MSH3: variants seen among roughly 807,000 people sequenced by gnomAD.
MSH3 encodes mutS homolog 3.
A neutral mutation model predicts 123.3 loss-of-function variants in MSH3; 106 were observed. The observed-to-expected ratio is 0.86, with a 90% CI of 0.73 to 1.01. MSH3 has a LOEUF of 1.01. MSH3 is among the 50% of genes least tolerant of loss of function. The probability of loss-of-function intolerance (pLI) is 0.00; values close to 1 mark genes in which losing one functional copy is unlikely to be tolerated. For missense variants in MSH3, 1,459 were observed against 1,347.6 expected (o/e 1.08, Z -1.29); for synonymous variants, 515 against 481.4 (o/e 1.07, Z -0.91).
At chr5:80,823,521 T>A (rs909241643) in intron 20 of MSH3, among the ~76,000 whole-genome samples, 1 of 152,202 alleles carries the variant, frequency 6.6e-6, no homozygotes, top group Admixed American at 6.5e-5. Flanking sequence ...CTTTAGGAGT[T>A]GATGGCATTC....
At chr5:80,712,714 TA>T (rs1750883121) in intron 8 of MSH3, among the ~76,000 whole-genome samples, 1 of 152,200 alleles carries the variant, frequency 6.6e-6, no homozygotes, top group Non-Finnish European at 1.5e-5. Context: ...TTATATTTTC[TA>T]TTTTTATATC....
In MSH3 at chr5:80,729,458, G is replaced by GTATA. The variant is rs1250723529; in HGVS notation, c.1568+494_1568+495insATAT. 7.0e-4 allele frequency among the ~76,000 whole-genome samples: 57 copies of GTATA among 81,606 alleles called. No individual in the cohort carries two copies. The South Asian group carries it at 0.013, about 19-fold the overall frequency. The allele number at this position is 81,606 out of a possible 152,430, so 53.5% of individuals were successfully genotyped here. A position where few individuals can be genotyped will look rare whatever the true frequency, so the allele number is the denominator to read the frequency against. ...TGTGTGTGTGTGTGTGTGTGTGTGT[G>GTATA]TGTATATATATATATATATATAAAG... On this transcript the variant is annotated intron_variant, in intron 10 of 23. Transcript: ENST00000265081.
chr5:80,867,385 A>G (rs1272092481), intron 22 of MSH3, among the ~76,000 whole-genome samples: 1 of 152,208 alleles, frequency 6.6e-6, no homozygotes, highest in Admixed American at 6.5e-5. Flanking sequence ...TCTTAGAACA[A>G]GGGAACTTTT....
At chr5:80,840,533 C>T (rs1745602550) in intron 20 of MSH3, among the ~76,000 whole-genome samples, 1 of 152,190 alleles carries the variant, frequency 6.6e-6, no homozygotes, top group African/African-American at 2.4e-5. Flanking sequence ...CGTGCCTCAA[C>T]CTCCCGAGTA....
chr5:80,753,990 T>C (rs1351919270), intron 12 of MSH3, among the ~76,000 whole-genome samples: 2 of 152,214 alleles, frequency 1.3e-5, no homozygotes, highest in East Asian at 3.8e-4. Context: ...CTGCTTGTTT[T>C]TCAAGGAATA....
intron 20 of MSH3, among the ~76,000 whole-genome samples, chr5:80,848,285 C>T (rs1745760797): frequency 1.3e-5 from 2 of 152,148 alleles, no homozygotes; most frequent in African/African-American, 4.8e-5. Context: ...ATTTTAATTT[C>T]ACCCATACAG....
chr5:80,689,346 G>C (rs1158577238), intron 8 of MSH3, among the ~76,000 whole-genome samples: 1 of 152,000 alleles, frequency 6.6e-6, no homozygotes, highest in East Asian at 1.9e-4. Flanking sequence ...CTTTGTGTTA[G>C]AATTTTCTTA....
intron 8 of MSH3, among the ~76,000 whole-genome samples, chr5:80,684,206 C>G (rs1221362358): frequency 6.6e-6 from 1 of 152,100 alleles, no homozygotes; most frequent in Admixed American, 6.6e-5. Flanking sequence ...CTAATTTTTT[C>G]CATTTCTGTG....
At chr5:80,806,986 T>G (rs1209355035) in intron 19 of MSH3, among the ~76,000 whole-genome samples, 1 of 151,978 alleles carries the variant, frequency 6.6e-6, no homozygotes, top group Admixed American at 6.6e-5. Flanking sequence ...GAGGATCACT[T>G]GAGCCCAGGA....
At chr5:80,657,576 A>C (rs1749320799) in intron 2 of MSH3, among the ~76,000 whole-genome samples, 1 of 152,196 alleles carries the variant, frequency 6.6e-6, no homozygotes, top group Non-Finnish European at 1.5e-5. Flanking sequence ...TTATGGTACC[A>C]GAGAATTTGT....
chr5:80,656,335 G>A lies in MSH3; in HGVS notation c.238-76G>A, dbSNP rs1382539. 414,337 of 1,583,474 alleles carry A rather than the reference G, an allele frequency of 0.26. 56,923 individuals carry two copies. The highest frequency in any genetic ancestry group is 0.42 in the Middle Eastern group (2,460 of 5,850). On this transcript the variant is annotated intron_variant, in intron 1 of 23. Transcript: ENST00000265081. ...AAGGAACCTTGTCATTCAGTTGTAAGGTTTAAATTGCTTCACATACGTCAG... is the reference window on the plus strand; with the variant it reads ...AAGGAACCTTGTCATTCAGTTGTAAAGTTTAAATTGCTTCACATACGTCAG...
Position 80,702,713 on chromosome 5 carries a change from TA to T in MSH3, c.1341-22729del, listed in dbSNP as rs34322595. Among the ~76,000 whole-genome samples the T allele has an allele frequency of 3.7e-3, 547 of 149,790 alleles. 2 individuals are homozygous for T. The highest frequency in any genetic ancestry group is 0.024 in the Middle Eastern group (7 of 286). On this transcript the variant is annotated intron_variant, in intron 8 of 23. Coordinates refer to ENST00000265081, the MANE Select transcript of MSH3 (RefSeq NM_002439.5). ...TTAAACAAGGTTGAAATAATTTATTTAAAAAAAAAAATAGCTGGCTGGGTGC... is the reference window on the plus strand; with the variant it reads ...TTAAACAAGGTTGAAATAATTTATTTAAAAAAAAAATAGCTGGCTGGGTGC...
intron 20 of MSH3, among the ~76,000 whole-genome samples, chr5:80,817,171 A>C (rs1745119219): frequency 6.6e-6 from 1 of 152,214 alleles, no homozygotes; most frequent in South Asian, 2.1e-4. Context: ...CCAGAGAGGC[A>C]GGAGAGAAAA....
intron 19 of MSH3, among the ~76,000 whole-genome samples, chr5:80,811,450 A>T (rs1580064771): frequency 6.6e-6 from 1 of 152,192 alleles, no homozygotes; most frequent in African/African-American, 2.4e-5. Flanking sequence ...ATAACCTTGG[A>T]TTGACTTATT....
At chr5:80,746,701 C>A (rs1194326098) in intron 12 of MSH3, 2 of 355,460 alleles carry the variant, frequency 5.6e-6, no homozygotes, top group South Asian at 2.5e-5. Flanking sequence ...GGAGCTGGGT[C>A]GTTATCTCCA....
intron 17 of MSH3, 119 bp downstream of exon 17, chr5:80,778,955 G>C (rs918843577): frequency 3.5e-5 from 22 of 632,556 alleles, no homozygotes; most frequent in Admixed American, 2.9e-4. Flanking sequence ...AAATAGTTGA[G>C]TACATGTGTT....
rs1459830674 is a variant in MSH3 at position 80,692,404 on chromosome 5, ATAGATAAACATGTATATGTT to A, written c.1340+13318_1340+13337del. 3.4e-3 allele frequency among the ~76,000 whole-genome samples: 112 copies of A among 32,464 alleles called. 5 individuals are homozygous for A. Among genetic ancestry groups the A allele is most frequent in the African/African-American group, 9.9e-3 (50 of 5,042 alleles). 21.3% of individuals were successfully genotyped at this position (32,464 alleles called of 152,430 possible). ...GATAGATAAACATGTATATGTTTAGATAGATAAACATGTATATGTTTAGATAGATAAACATGTATATGTTT... is the reference window on the plus strand; with the variant it reads ...GATAGATAAACATGTATATGTTTAGATAGATAGATAAACATGTATATGTTT... On this transcript the variant is annotated intron_variant, in intron 8 of 23. Coordinates refer to ENST00000265081, the MANE Select transcript of MSH3 (RefSeq NM_002439.5).
At chr5:80,734,929 C>T (rs1218710461) in intron 10 of MSH3, among the ~76,000 whole-genome samples, 5 of 152,170 alleles carry the variant, frequency 3.3e-5, no homozygotes, top group Admixed American at 1.3e-4. Flanking sequence ...AAGTTTTCCC[C>T]CTCATGTGTT....
chr5:80,808,884 C>CTATATATATATATATCTATATATAT (rs1561485262), intron 19 of MSH3, among the ~76,000 whole-genome samples: 1 of 118,676 alleles, frequency 8.4e-6, no homozygotes, highest in Non-Finnish European at 1.8e-5. Context: ...TATATATATA[C>CTATATATATATATATCTATATATAT]ACAATCTAAA....
Sources: allele counts gnomAD v4.1 joint callset (sites outside exome capture counted in the v4.1 genomes callset), GRCh38; gene constraint gnomAD v4.1.1; transcripts MANE v1.5; gene names NCBI Gene and HGNC (gene_info 2026-07-23, HGNC 2026-07-21).